VPS53: variants seen among roughly 807,000 people sequenced by gnomAD.
VPS53 encodes vacuolar protein sorting-associated protein 53 homolog.
In VPS53, 70 loss-of-function variants were observed where a neutral mutation model predicts 107.0. That is an observed-to-expected ratio of 0.65 (90% CI 0.54 to 0.80). The LOEUF is 0.80. Among genes scored for constraint, VPS53 ranks in the 30% least tolerant of loss-of-function variants. The probability of loss-of-function intolerance (pLI) is 0.00; values close to 1 mark genes in which losing one functional copy is unlikely to be tolerated. For missense variants in VPS53, 917 were observed against 1,049.4 expected (o/e 0.87, Z 1.74); for synonymous variants, 409 against 393.3 (o/e 1.04, Z -0.47).
rs3837864 is a variant in VPS53 at position 566,607 on chromosome 17, TGGA to T, written c.1314-3865_1314-3863del. Among the ~76,000 whole-genome samples, 1,001 of 152,180 alleles carry T rather than the reference TGGA, an allele frequency of 6.6e-3. 27 individuals carry two copies. The highest frequency in any genetic ancestry group is 0.05 in the Admixed American group (765 of 15,278). On this transcript the variant is annotated intron_variant, in intron 13 of 21. Transcript: ENST00000437048. ...GGAAACGGGATGGAGGCCGGTGCAG[TGGA>T]GGAGAACATGGAACAGAAGGCAAAA... is the stretch of plus-strand genomic sequence containing the variant.
intron 7 of VPS53, among the ~76,000 whole-genome samples, chr17:651,674 C>A (rs1378918454): frequency 6.6e-6 from 1 of 152,136 alleles, no homozygotes; most frequent in Non-Finnish European, 1.5e-5. Flanking sequence ...AGCATTCGGG[C>A]CTTATTAAGA....
intron 17 of VPS53, among the ~76,000 whole-genome samples, chr17:540,730 A>C (rs1459789205): frequency 6.6e-6 from 1 of 152,092 alleles, no homozygotes; most frequent in African/African-American, 2.4e-5. Flanking sequence ...CTACTATCTA[A>C]ATGAGACACA....
At chr17:566,146 G>A (rs1913483996) in intron 13 of VPS53, among the ~76,000 whole-genome samples, 2 of 148,844 alleles carry the variant, frequency 1.3e-5, no homozygotes, top group African/African-American at 2.5e-5. Context: ...GGAGCTTGCA[G>A]TGAGCCGAGA....
At chr17:653,175 G>GA (rs1971027704) in intron 7 of VPS53, 116 bp downstream of exon 7, 3 of 1,560,376 alleles carry the variant, frequency 1.9e-6, no homozygotes, top group Non-Finnish European at 2.6e-6. Context: ...TTACCTTTTG[G>GA]AAAGCTGCCG....
At position 518,921 on chromosome 17, in the gene VPS53, CCT is replaced by C; in HGVS notation, c.*205_*206del. On this transcript the variant is annotated 3_prime_UTR_variant, in exon 22 of 22. Coordinates refer to ENST00000437048, the MANE Select transcript of VPS53 (RefSeq NM_001128159.3). ...ACGAACCAGAGATCACCTAAATCGC[CCT>C]CTTAGAGCCCAGCCCTTACTCAGCG... The C allele has an allele frequency of 2.0e-6, 1 of 503,646 alleles. No homozygotes were observed. The highest frequency in any genetic ancestry group is 3.3e-6 in the Non-Finnish European group (1 of 299,358). 31.2% of individuals were successfully genotyped at this position (503,646 alleles called of 1,614,324 possible). A position where few individuals can be genotyped will look rare whatever the true frequency, so the allele number is the denominator to read the frequency against.
Position 519,704 on chromosome 17 carries a change from C to T in VPS53, c.2328+122G>A, listed in dbSNP as rs1038226185. 2.6e-6 allele frequency: 2 copies of T among 772,614 alleles called. No individual in the cohort carries two copies. The highest frequency in any genetic ancestry group is 4.3e-6 in the Non-Finnish European group (2 of 464,034). 47.9% of individuals were successfully genotyped at this position (772,614 alleles called of 1,614,324 possible). A position where few individuals can be genotyped will look rare whatever the true frequency, so the allele number is the denominator to read the frequency against. ...GAGGCTTCTCTGAATCCGGTTTGCT[C>T]TGTGGAGCCAGGCACATGCATTTTG... On this transcript the variant is annotated intron_variant, in intron 21 of 21. Coordinates refer to ENST00000437048, the MANE Select transcript of VPS53 (RefSeq NM_001128159.3). This position sits in a 1 kb window ranked among gnomAD's most constrained non-coding sequence, Gnocchi z 5.0.
At chr17:713,313 G>A (rs1251638812) in intron 1 of VPS53, among the ~76,000 whole-genome samples, 2 of 152,080 alleles carry the variant, frequency 1.3e-5, no homozygotes, top group African/African-American at 4.8e-5. Context: ...TTCCTTTAAG[G>A]GAGATTTTCT....
At chr17:553,324 G>A (rs964912001) in intron 16 of VPS53, 56 bp downstream of exon 16, 76 of 1,541,604 alleles carry the variant, frequency 4.9e-5, no homozygotes, top group Non-Finnish European at 6.4e-5. Context: ...CGTGCTGCAC[G>A]CTGCTGTGTA....
At chr17:593,873 A>G (rs931565091) in intron 12 of VPS53, among the ~76,000 whole-genome samples, 3 of 152,242 alleles carry the variant, frequency 2.0e-5, no homozygotes, top group African/African-American at 2.4e-5. Flanking sequence ...TGTTTATTGC[A>G]GCATTATTCA....
At chr17:526,543 G>C (rs1909140705) in intron 19 of VPS53, among the ~76,000 whole-genome samples, 1 of 152,218 alleles carries the variant, frequency 6.6e-6, no homozygotes. Context: ...TCTGTGCAAA[G>C]ACAAGACAGA....
chr17:593,004 G>A (rs1206164011), intron 12 of VPS53, among the ~76,000 whole-genome samples: 20 of 152,142 alleles, frequency 1.3e-4, no homozygotes, highest in South Asian at 4.1e-4. Context: ...AAATAATGCC[G>A]CATATCTACA....
intron 17 of VPS53, among the ~76,000 whole-genome samples, chr17:546,327 TCTCACACACA>T (rs1004146059): frequency 1.1e-5 from 1 of 93,118 alleles, no homozygotes; most frequent in South Asian, 3.3e-4. Flanking sequence ...ATCTTAGATA[TCTCACACACA>T]CACACACACA....
chr17:696,645 A>G (rs957261975), intron 4 of VPS53, among the ~76,000 whole-genome samples: 31 of 152,230 alleles, frequency 2.0e-4, no homozygotes, highest in African/African-American at 7.0e-4. Context: ...CACAGATAAC[A>G]TCTGGCCCCT....
intron 17 of VPS53, among the ~76,000 whole-genome samples, chr17:547,239 A>G (rs1911285081): frequency 6.6e-6 from 1 of 152,220 alleles, no homozygotes; most frequent in Non-Finnish European, 1.5e-5. Context: ...ATGAATGTTC[A>G]CAGCATTATT....
In VPS53 at chr17:521,719, G is replaced by T; in HGVS notation, c.2105C>A (p.Ser702Ter). Residue 702 changes from serine to a stop codon, truncating the protein, a stop_gained, in exon 20 of 22, where the codon TCG becomes TAG. Transcript: ENST00000437048. LOFTEE classifies it high-confidence loss of function. Reference sequence around the variant, plus strand: ...GAGATCGAGCAGGACCATCTTCAGCGAGTGGGTGTCCAGCAGCAGCTGTGG... The same window carrying T: ...GAGATCGAGCAGGACCATCTTCAGCTAGTGGGTGTCCAGCAGCAGCTGTGG... ...GAEQLLLDTHSLKMVLLDLPS... is the reference protein window; with the variant it reads ...GAEQLLLDTH 1 of 1,546,688 alleles carries T rather than the reference G, an allele frequency of 6.5e-7. No homozygotes were observed. The highest frequency in any genetic ancestry group is 1.4e-5 in the African/African-American group (1 of 73,016).
At chr17:666,618 C>T (rs914501744) in intron 4 of VPS53, among the ~76,000 whole-genome samples, 8 of 150,434 alleles carry the variant, frequency 5.3e-5, no homozygotes, top group African/African-American at 1.5e-4. Context: ...GAGCCAAGAT[C>T]GTGCCACTGC....
At chr17:702,448 G>A (rs1489588512) in intron 2 of VPS53, among the ~76,000 whole-genome samples, 3 of 151,924 alleles carry the variant, frequency 2.0e-5, no homozygotes, top group Non-Finnish European at 2.9e-5. Context: ...CGGATCACAA[G>A]GTCAGGAGTT....
At chr17:552,066 T>A (rs1911870265) in intron 16 of VPS53, 116 bp from the exon 17 acceptor site, 1 of 964,924 alleles carries the variant, frequency 1.0e-6, no homozygotes, top group African/African-American at 1.6e-5. Flanking sequence ...AAGTTTGAGC[T>A]TTAATTAATG....
chr17:592,681 T>C (rs936175976), intron 12 of VPS53, among the ~76,000 whole-genome samples: 1 of 152,212 alleles, frequency 6.6e-6, no homozygotes, highest in South Asian at 2.1e-4. Flanking sequence ...AAATTCTGGG[T>C]TGAAAATTCT....
Sources: allele counts gnomAD v4.1 joint callset (sites outside exome capture counted in the v4.1 genomes callset), GRCh38; gene constraint gnomAD v4.1.1; non-coding constraint Gnocchi (gnomAD v3.1); transcripts MANE v1.5; gene names NCBI Gene and HGNC (gene_info 2026-07-23, HGNC 2026-07-21).